FRMPD4: variants seen among roughly 807,000 people sequenced by gnomAD.
The protein encoded by FRMPD4 is FERM and PDZ domain-containing protein 4.
Under a neutral mutation model 94.1 loss-of-function variants are expected in FRMPD4, and 22 were observed. The observed-to-expected ratio is 0.23, with a 90% CI of 0.17 to 0.33. The LOEUF is 0.33. Ranked by LOEUF, FRMPD4 falls within the 10% of genes least tolerant of loss-of-function variation. The pLI, the probability that FRMPD4 is intolerant of heterozygous loss-of-function variation, is 1.00. For synonymous variants in FRMPD4, 631 were observed against 548.6 expected, an observed-to-expected ratio of 1.15 and a Z score of -2.10; for missense variants, 1,111 against 1,339.9, an observed-to-expected ratio of 0.83 and a Z score of 2.67.
chrX:11,967,756 G>GTGTTTTTTTTTTTT (rs36019385), intron 3 of FRMPD4, among the ~76,000 whole-genome samples: 1 of 65,569 alleles, frequency 1.5e-5, no homozygotes, highest in African/African-American at 5.3e-5. Context: ...GTGTGTGTGT[G>GTGTTTTTTTTTTTT]TTTTTTTTTT....
intron 3 of FRMPD4, among the ~76,000 whole-genome samples, chrX:11,983,172 G>A (rs965408664): frequency 8.9e-6 from 1 of 112,188 alleles, no homozygotes; most frequent in Admixed American, 9.4e-5. Context: ...AAGCTTTAGG[G>A]AACATACTTA....
chrX:12,329,871 AAAACAAC>A (rs1309182726), intron 1 of FRMPD4, among the ~76,000 whole-genome samples: 1 of 109,334 alleles, frequency 9.1e-6, no homozygotes, highest in African/African-American at 3.3e-5. Flanking sequence ...AAAAAAAAAA[AAAACAAC>A]AACAACAACT....
rs1192800380 is a variant in FRMPD4, at chrX:11,877,461, G to C, written c.-29-434G>C. 1.8e-5 allele frequency among the ~76,000 whole-genome samples: 2 copies of C among 111,360 alleles called. 1 individual carries two copies. The highest frequency in any genetic ancestry group is 6.5e-5 in the African/African-American group (2 of 30,607). ...TATGGCCCATTCAGACCTTCAGAAG[G>C]TGCCCCTTCATTCCCAGTTTGATAT... On this transcript the variant is annotated intron_variant, in intron 2 of 18. Coordinates refer to the FRMPD4 transcript ENST00000640291.
intron 1 of FRMPD4, among the ~76,000 whole-genome samples, chrX:11,858,819 A>T (rs1426013324): frequency 8.9e-6 from 1 of 112,039 alleles, no homozygotes; most frequent in African/African-American, 3.2e-5. Flanking sequence ...ACTCTCAAAG[A>T]AGTAAAGAAG....
At chrX:12,410,678 C>A (rs1486969641) in intron 1 of FRMPD4, among the ~76,000 whole-genome samples, 3 of 111,609 alleles carry the variant, frequency 2.7e-5, no homozygotes, top group African/African-American at 9.8e-5. Flanking sequence ...CTTTTCTTAA[C>A]CCCCAACTCT....
At position 12,701,921 on chromosome X, in the gene FRMPD4, T is replaced by C. The variant is rs779013797; in HGVS notation, c.981T>C (p.Tyr327=). Residue 327 remains tyrosine (Y), a synonymous_variant, in exon 10 of 17, where the codon TAT becomes TAC. Coordinates refer to ENST00000675598, the MANE Select transcript of FRMPD4 (RefSeq NM_001368397.1). ...VQERFGPELK[Y]DIALRLAALQ... ...AGCGATTTGGGCCGGAGCTGAAATA[T>C]GACATAGCCCTGCGGCTGGCCGCAT... The C allele has an allele frequency of 9.1e-6, 11 of 1,209,739 alleles. No individual in the cohort carries two copies. Among genetic ancestry groups the C allele is most frequent in the African/African-American group, 6.9e-5 (4 of 57,627 alleles).
chrX:12,383,824 C>T (rs1442355217), intron 1 of FRMPD4, among the ~76,000 whole-genome samples: 4 of 111,571 alleles, frequency 3.6e-5, no homozygotes, highest in Admixed American at 1.9e-4. Flanking sequence ...AGCAGAGACA[C>T]GGCAGCCACA....
chrX:12,065,351 G>A (rs776046464), intron 3 of FRMPD4, among the ~76,000 whole-genome samples: 78 of 112,333 alleles, frequency 6.9e-4, no homozygotes, highest in African/African-American at 2.5e-3. Flanking sequence ...GAAAGGGAGA[G>A]TGTTTCCAGC....
chrX:12,114,253 T>G (rs774295858), intron 3 of FRMPD4, among the ~76,000 whole-genome samples: 35 of 112,050 alleles, frequency 3.1e-4, no homozygotes, highest in Admixed American at 2.4e-3. Flanking sequence ...AATATTCATC[T>G]GTTTCTTTCT....
At chrX:12,645,852 C>T (rs1171434153) in intron 4 of FRMPD4, among the ~76,000 whole-genome samples, 1 of 112,027 alleles carries the variant, frequency 8.9e-6, no homozygotes, top group Non-Finnish European at 1.9e-5. Flanking sequence ...TTTTGGTTTG[C>T]ACCCTTTTCA....
At chrX:12,692,373 A>T (rs1009699588) in intron 8 of FRMPD4, among the ~76,000 whole-genome samples, 2 of 112,549 alleles carry the variant, frequency 1.8e-5, no homozygotes, top group African/African-American at 6.5e-5. Flanking sequence ...TTTGAAATCA[A>T]TGCATATGAA....
At chrX:12,040,711 A>T (rs190978795) in intron 3 of FRMPD4, among the ~76,000 whole-genome samples, 2,055 of 107,425 alleles carry the variant, frequency 0.019, 13 homozygotes, top group African/African-American at 0.03. Flanking sequence ...TTGTATTTTT[A>T]GTAGAGACGG....
At chrX:12,617,787 C>G (rs1322114206) in intron 4 of FRMPD4, among the ~76,000 whole-genome samples, 1 of 110,276 alleles carries the variant, frequency 9.1e-6, no homozygotes, top group Non-Finnish European at 1.9e-5. Flanking sequence ...TTGTTTTGTT[C>G]CTTTTCCCCC....
chrX:12,404,964 G>T (rs2056650782), intron 1 of FRMPD4, among the ~76,000 whole-genome samples: 1 of 111,387 alleles, frequency 9.0e-6, no homozygotes, highest in African/African-American at 3.3e-5. Flanking sequence ...AGATACACAG[G>T]TGGCTACTGG....
chrX:11,856,621 G>A (rs1021245894), intron 1 of FRMPD4, among the ~76,000 whole-genome samples: 16 of 111,781 alleles, frequency 1.4e-4, no homozygotes, highest in African/African-American at 5.2e-4. Context: ...GTAAAAGCTG[G>A]AAGAATTCCC....
chrX:12,010,089 G>A (rs1054788567), intron 3 of FRMPD4, among the ~76,000 whole-genome samples: 1 of 111,380 alleles, frequency 9.0e-6, no homozygotes, highest in Non-Finnish European at 1.9e-5. Flanking sequence ...CAGAGAGACC[G>A]AATGAGGTAT....
At chrX:12,149,796 A>G (rs1046437802) in intron 1 of FRMPD4, among the ~76,000 whole-genome samples, 1 of 112,160 alleles carries the variant, frequency 8.9e-6, no homozygotes, top group African/African-American at 3.2e-5. Flanking sequence ...GAAATCTTTC[A>G]TGAAAGAGTC....
At chrX:12,373,340 C>CT (rs1179303245) in intron 1 of FRMPD4, 2 of 111,996 alleles carry the variant, frequency 1.8e-5, no homozygotes, top group African/African-American at 3.2e-5. Flanking sequence ...ATTGCACTCC[C>CT]TTTTTTGCAT....
At chrX:12,240,433 A>G (rs1274928640) in intron 1 of FRMPD4, among the ~76,000 whole-genome samples, 1 of 112,296 alleles carries the variant, frequency 8.9e-6, no homozygotes, top group Non-Finnish European at 1.9e-5. Flanking sequence ...GAGAGACCAC[A>G]GATATAGTGA....
Sources: allele counts gnomAD v4.1 joint callset (sites outside exome capture counted in the v4.1 genomes callset), GRCh38; gene constraint gnomAD v4.1.1; transcripts MANE v1.5; gene names NCBI Gene and HGNC (gene_info 2026-07-23, HGNC 2026-07-21).